ENOX1: variants seen among roughly 807,000 people sequenced by gnomAD.
ENOX1 encodes candidate growth-related and time keeping constitutive hydroquinone (NADH) oxidase.
ENOX1 carries 42 observed loss-of-function variants against 82.5 expected under a neutral mutation model. The observed-to-expected ratio is 0.51, with a 90% CI of 0.40 to 0.66. The LOEUF (loss-of-function observed/expected upper bound fraction) is 0.66, where lower values mean the gene tolerates loss of function less well. ENOX1 is among the 30% of genes least tolerant of loss of function. ENOX1 has a pLI of 0.00. For synonymous variants in ENOX1, 271 were observed against 282.2 expected (o/e 0.96, Z 0.40); for missense variants, 608 against 811.6 (o/e 0.75, Z 3.05).
chr13:43,214,703 C>T (rs1423591409), intron 16 of ENOX1, among the ~76,000 whole-genome samples: 1 of 152,100 alleles, frequency 6.6e-6, no homozygotes, highest in African/African-American at 2.4e-5. Flanking sequence ...TTTTTTAATG[C>T]AACTTTTTTC....
intron 2 of ENOX1, among the ~76,000 whole-genome samples, chr13:43,555,849 G>A (rs917370384): frequency 6.6e-6 from 1 of 152,160 alleles, no homozygotes; most frequent in South Asian, 2.1e-4. Context: ...TTCATAATTC[G>A]CAAGTTGTAA....
intron 1 of ENOX1, among the ~76,000 whole-genome samples, chr13:43,748,290 C>T (rs573505716): frequency 6.6e-6 from 1 of 152,288 alleles, no homozygotes; most frequent in East Asian, 1.9e-4. Flanking sequence ...CTAAGAAGCC[C>T]TGCTCCAAAC....
chr13:43,382,773 C>T (rs1223630901), intron 5 of ENOX1, among the ~76,000 whole-genome samples: 3 of 152,014 alleles, frequency 2.0e-5, no homozygotes, highest in Admixed American at 2.0e-4. Flanking sequence ...TAAATATGTA[C>T]AATTTATTGT....
At chr13:43,344,219 C>T (rs142212032) in intron 9 of ENOX1, among the ~76,000 whole-genome samples, 129 of 152,264 alleles carry the variant, frequency 8.5e-4, no homozygotes, top group Middle Eastern at 3.4e-3. Flanking sequence ...TGAACGGTGG[C>T]GGCCCTGCAG....
chr13:43,509,311 T>C (rs1276354141), intron 2 of ENOX1, among the ~76,000 whole-genome samples: 1 of 152,062 alleles, frequency 6.6e-6, no homozygotes, highest in Admixed American at 6.6e-5. Context: ...TGCTCACTAG[T>C]ACAACAATGG....
At chr13:43,627,426 A>G (rs1239583161) in intron 2 of ENOX1, among the ~76,000 whole-genome samples, 1 of 151,924 alleles carries the variant, frequency 6.6e-6, no homozygotes. Flanking sequence ...TTATATTTTA[A>G]TGGTTGCTCT....
intron 1 of ENOX1, among the ~76,000 whole-genome samples, chr13:43,716,166 T>C (rs760799240): frequency 3.3e-5 from 5 of 152,238 alleles, no homozygotes; most frequent in Admixed American, 6.5e-5. Flanking sequence ...TTTTCTGCTC[T>C]GTTTTTTCCC....
At chr13:43,516,544 T>G (rs1005912701) in intron 2 of ENOX1, among the ~76,000 whole-genome samples, 17 of 152,172 alleles carry the variant, frequency 1.1e-4, no homozygotes, top group Non-Finnish European at 2.2e-4. Context: ...AGGATCATGT[T>G]TCCCTGCTCT....
At chr13:43,437,851 A>T (rs1047468577) in intron 3 of ENOX1, among the ~76,000 whole-genome samples, 2 of 152,226 alleles carry the variant, frequency 1.3e-5, no homozygotes, top group African/African-American at 2.4e-5. Context: ...AAGCAGATAA[A>T]TGGGTAAATG....
chr13:43,670,851 A>AAACAACAAC (rs59254437), intron 1 of ENOX1, among the ~76,000 whole-genome samples: 2,029 of 150,312 alleles, frequency 0.013, 36 homozygotes, highest in Admixed American at 0.036. Context: ...TCAAACAACA[A>AAACAACAAC]AACAACAACA....
chr13:43,237,298 A>G (rs1184562328), intron 14 of ENOX1, among the ~76,000 whole-genome samples: 2 of 152,240 alleles, frequency 1.3e-5, no homozygotes, highest in Non-Finnish European at 2.9e-5. Context: ...GAGTTGTACA[A>G]CAAGCCAATA....
chr13:43,523,229 T>A (rs1299583596), intron 2 of ENOX1, among the ~76,000 whole-genome samples: 1 of 152,168 alleles, frequency 6.6e-6, no homozygotes, highest in Non-Finnish European at 1.5e-5. Context: ...CCAAGTTCCT[T>A]GAACCTAACC....
intron 3 of ENOX1, among the ~76,000 whole-genome samples, chr13:43,467,783 T>C (rs770953176): frequency 6.6e-6 from 1 of 152,234 alleles, no homozygotes; most frequent in South Asian, 2.1e-4. Flanking sequence ...AAGAATTTCA[T>C]AGTTTTAGCT....
chr13:43,570,853 A>AACATTTTACATATTGT (rs2153710912), intron 2 of ENOX1, among the ~76,000 whole-genome samples: 1 of 152,300 alleles, frequency 6.6e-6, no homozygotes, highest in Admixed American at 6.5e-5. Context: ...TTTGCACGAC[A>AACATTTTACATATTGT]ACATTTTACA....
Position 43,784,595 on chromosome 13 carries a change from A to G in ENOX1, c.-285+2057T>C, listed in dbSNP as rs536150860. Among the ~76,000 whole-genome samples, 8 of 152,366 alleles carry G rather than the reference A, an allele frequency of 5.3e-5. No homozygotes were observed. The South Asian group carries it at 1.7e-3, about 32-fold the overall frequency. On this transcript the variant is annotated intron_variant, in intron 1 of 16. Transcript: ENST00000690772. The stretch of plus-strand genomic sequence containing the variant: ...TGCTGTTTACAACCAAGAATCTTAA[A>G]TTTTATTCATCTTAAAAATAATTGA...
chr13:43,499,557 G>A (rs2076908305), intron 2 of ENOX1, among the ~76,000 whole-genome samples: 1 of 152,060 alleles, frequency 6.6e-6, no homozygotes, highest in East Asian at 1.9e-4. Flanking sequence ...AGGGCCACCT[G>A]CAGACCCTGT....
chr13:43,558,948 T>C (rs1263537709), intron 2 of ENOX1, among the ~76,000 whole-genome samples: 2 of 152,212 alleles, frequency 1.3e-5, no homozygotes, highest in African/African-American at 4.8e-5. Flanking sequence ...GACAAAACAA[T>C]ATGAGGAAAG....
chr13:43,286,996 T>C (rs1327503973), intron 12 of ENOX1, among the ~76,000 whole-genome samples: 1 of 152,126 alleles, frequency 6.6e-6, no homozygotes, highest in Non-Finnish European at 1.5e-5. Flanking sequence ...GGGTACACTC[T>C]GGAAAGCCAT....
chr13:43,328,714 A>T (rs1034432702), intron 9 of ENOX1, among the ~76,000 whole-genome samples: 1 of 152,148 alleles, frequency 6.6e-6, no homozygotes, highest in African/African-American at 2.4e-5. Flanking sequence ...GTAAAAGGAG[A>T]TCCCCTAATA....
Sources: gnomAD v4.1 joint callset for allele counts (sites outside exome capture counted in the v4.1 genomes callset) on GRCh38, gnomAD v4.1.1 for gene constraint, MANE v1.5 for transcripts, NCBI Gene and HGNC (gene_info 2026-07-23, HGNC 2026-07-21) for gene names.